THSD4: variants seen among roughly 807,000 people sequenced by gnomAD.
THSD4 encodes thrombospondin type-1 domain-containing protein 4.
In THSD4, 69 loss-of-function variants were observed where a neutral mutation model predicts 119.0. That is an observed-to-expected ratio of 0.58 (90% CI 0.48 to 0.71). The LOEUF is 0.71. Ranked by LOEUF, THSD4 falls within the 30% of genes least tolerant of loss-of-function variation. The probability of loss-of-function intolerance (pLI) is 0.00; values close to 1 mark genes in which losing one functional copy is unlikely to be tolerated. For synonymous variants in THSD4, 524 were observed against 540.4 expected (o/e 0.97, Z 0.42); for missense variants, 1,393 against 1,391.1 (o/e 1.00, Z -0.02).
intron 7 of THSD4, among the ~76,000 whole-genome samples, chr15:71,563,194 C>A (rs2049158542): frequency 6.6e-6 from 1 of 152,216 alleles, no homozygotes; most frequent in South Asian, 2.1e-4. Flanking sequence ...TTTAGTGAAC[C>A]TTTACATCAC....
intron 6 of THSD4, among the ~76,000 whole-genome samples, chr15:71,353,166 C>T (rs978334173): frequency 6.6e-6 from 1 of 152,180 alleles, no homozygotes; most frequent in Admixed American, 6.5e-5. Flanking sequence ...GACATTGACA[C>T]ATGAAGCAGA....
chr15:71,777,059 C>T (rs947084818), intron 17 of THSD4, among the ~76,000 whole-genome samples, 173 bp from the exon 18 acceptor site: 1 of 152,178 alleles, frequency 6.6e-6, no homozygotes, highest in African/African-American at 2.4e-5. Flanking sequence ...TTTCCCTTAT[C>T]GTGTTTAAAA....
At chr15:71,207,899 A>G (rs916538876) in intron 3 of THSD4, among the ~76,000 whole-genome samples, 3 of 152,232 alleles carry the variant, frequency 2.0e-5, no homozygotes, top group Non-Finnish European at 4.4e-5. Flanking sequence ...TTTAGATATC[A>G]TTTAGGGTTC....
At chr15:71,586,117 C>T (rs1009840131) in intron 7 of THSD4, among the ~76,000 whole-genome samples, 9 of 152,196 alleles carry the variant, frequency 5.9e-5, no homozygotes, top group African/African-American at 9.6e-5. Context: ...TTTATTTTGG[C>T]GGTGTCATTT....
At chr15:71,316,305 C>T (rs1246918731) in intron 6 of THSD4, among the ~76,000 whole-genome samples, 1 of 152,126 alleles carries the variant, frequency 6.6e-6, no homozygotes, top group Non-Finnish European at 1.5e-5. Flanking sequence ...AAACCTAAAC[C>T]CATCTTTTCA....
At chr15:71,494,987 G>A (rs1207630695) in intron 7 of THSD4, among the ~76,000 whole-genome samples, 10 of 152,260 alleles carry the variant, frequency 6.6e-5, no homozygotes, top group Admixed American at 1.3e-4. Flanking sequence ...AATGGTCCAC[G>A]CACCTCCCAA....
intron 7 of THSD4, among the ~76,000 whole-genome samples, chr15:71,529,909 G>T (rs1225997927): frequency 6.6e-6 from 1 of 152,084 alleles, no homozygotes; most frequent in Non-Finnish European, 1.5e-5. Flanking sequence ...TAATGACCTG[G>T]TTTGTTGGGA....
At position 71,737,631 on chromosome 15, in the gene THSD4, G is replaced by A. The variant is rs559952690; in HGVS notation, c.1631-101G>A. On this transcript the variant is annotated intron_variant, in intron 10 of 17. Transcript: ENST00000261862. ...TGCTTATGTGCTGTGACTTAGAAACGATCTCATGCTACACAGTCTCTAATG... is the reference window on the plus strand; with the variant it reads ...TGCTTATGTGCTGTGACTTAGAAACAATCTCATGCTACACAGTCTCTAATG... 5.0e-5 allele frequency: 71 copies of A among 1,428,762 alleles called. No individual in the cohort carries two copies. In the East Asian group the frequency reaches 1.3e-3, roughly 26 times the overall value. 88.5% of individuals were successfully genotyped at this position (1,428,762 alleles called of 1,614,324 possible).
intron 6 of THSD4, among the ~76,000 whole-genome samples, chr15:71,268,475 A>G (rs1321090664): frequency 3.9e-5 from 6 of 152,218 alleles, no homozygotes; most frequent in Non-Finnish European, 7.3e-5. Context: ...AGGGAAATTT[A>G]TAGCACTAAA....
chr15:71,262,409 T>C (rs2044411626), intron 6 of THSD4, among the ~76,000 whole-genome samples: 4 of 152,172 alleles, frequency 2.6e-5, no homozygotes, highest in Admixed American at 2.6e-4. Context: ...TAAATATATA[T>C]GTCCATTACA....
At chr15:71,500,691 A>G (rs1028457806) in intron 7 of THSD4, among the ~76,000 whole-genome samples, 2 of 152,220 alleles carry the variant, frequency 1.3e-5, no homozygotes, top group Admixed American at 6.5e-5. Context: ...ATTCTTTTGC[A>G]TATAGAAATC....
chr15:71,480,662 C>A (rs2047716938), intron 7 of THSD4, among the ~76,000 whole-genome samples: 1 of 152,130 alleles, frequency 6.6e-6, no homozygotes, highest in Admixed American at 6.5e-5. Context: ...ATCGCGTTGC[C>A]AGCTAGAGTT....
chr15:71,441,653 A>G (rs991593918), intron 7 of THSD4, among the ~76,000 whole-genome samples: 1 of 151,960 alleles, frequency 6.6e-6, no homozygotes, highest in African/African-American at 2.4e-5. Context: ...TTGGCCTCAC[A>G]AAGTGCTGGC....
chr15:71,546,963 C>T (rs552664527), intron 7 of THSD4, among the ~76,000 whole-genome samples: 67 of 152,216 alleles, frequency 4.4e-4, no homozygotes, highest in Non-Finnish European at 8.1e-4. Context: ...CCCTGGCTCT[C>T]CCCGTTCCCA....
intron 1 of THSD4, among the ~76,000 whole-genome samples, chr15:71,128,462 G>A (rs2040473691): frequency 6.6e-6 from 1 of 151,290 alleles, no homozygotes; most frequent in Non-Finnish European, 1.5e-5. Flanking sequence ...GGGAGGCAGA[G>A]GTTGCCATGA....
chr15:71,375,645 G>T (rs2046125415), intron 6 of THSD4, among the ~76,000 whole-genome samples: 1 of 152,158 alleles, frequency 6.6e-6, no homozygotes, highest in African/African-American at 2.4e-5. Context: ...AGGAGAAGGG[G>T]TTCCAGCCAG....
chr15:71,323,101 A>G (rs1176778490), intron 6 of THSD4, among the ~76,000 whole-genome samples: 2 of 150,672 alleles, frequency 1.3e-5, no homozygotes, highest in Non-Finnish European at 3.0e-5. Context: ...TGTCTTAAAA[A>G]AAAAAAAAAA....
At chr15:71,574,561 A>G (rs1429497941) in intron 7 of THSD4, among the ~76,000 whole-genome samples, 3 of 152,258 alleles carry the variant, frequency 2.0e-5, no homozygotes, top group Non-Finnish European at 4.4e-5. Flanking sequence ...TCACTAACTA[A>G]GTCAGCAGCG....
intron 3 of THSD4, chr15:71,164,790 C>T (rs2043277790): frequency 6.3e-7 from 1 of 1,594,230 alleles, no homozygotes; most frequent in Non-Finnish European, 8.5e-7. Context: ...TCATCATCTT[C>T]TTCTTCATCT....
Sources: allele counts gnomAD v4.1 joint callset (sites outside exome capture counted in the v4.1 genomes callset), GRCh38; gene constraint gnomAD v4.1.1; transcripts MANE v1.5; gene names NCBI Gene and HGNC (gene_info 2026-07-23, HGNC 2026-07-21).